KATNA1: variants seen among roughly 807,000 people sequenced by gnomAD.
The protein encoded by KATNA1 is katanin catalytic subunit A1, also known as katanin p60 ATPase-containing subunit A1.
In KATNA1, 42 loss-of-function variants were observed where a neutral mutation model predicts 62.6. The observed-to-expected ratio is 0.67, with a 90% CI of 0.52 to 0.87. KATNA1 has a LOEUF of 0.87. Ranked by LOEUF, KATNA1 falls within the 40% of genes least tolerant of loss-of-function variation. KATNA1 has a pLI of 0.00. For synonymous variants in KATNA1, 186 were observed against 201.9 expected (o/e 0.92, Z 0.67); for missense variants, 498 against 612.5 (o/e 0.81, Z 1.97).
At chr6:149,596,245 G>A (rs1778305307) in intron 10 of KATNA1, among the ~76,000 whole-genome samples, 1 of 152,164 alleles carries the variant, frequency 6.6e-6, no homozygotes, top group Non-Finnish European at 1.5e-5. Context: ...ACTACAAAAT[G>A]TATGTGGGGC....
chr6:149,597,328 T>C, intron 9 of KATNA1, 139 bp from the exon 10 acceptor site: 1 of 1,197,330 alleles, frequency 8.4e-7, no homozygotes, highest in South Asian at 1.6e-5. Flanking sequence ...TAAAGAGCCA[T>C]TCTTTACTTT....
In KATNA1 at chr6:149,627,719, A is replaced by G. The variant is rs73779511; in HGVS notation, c.321-4436T>C. Among the ~76,000 whole-genome samples the G allele has an allele frequency of 3.7e-3, 554 of 151,314 alleles. 12 individuals carry two copies. The highest frequency in any genetic ancestry group is 0.013 in the African/African-American group (528 of 41,040). Reference sequence around the variant, plus strand: ...AAGGGAAAGGGGCTACAGGATCATCAGGGGTGGTTTTTAGGTGGCAAAGTC... The same window carrying G: ...AAGGGAAAGGGGCTACAGGATCATCGGGGGTGGTTTTTAGGTGGCAAAGTC... On this transcript the variant is annotated intron_variant, in intron 3 of 10. Transcript: ENST00000367411.
At chr6:149,633,298 A>G (rs775425993) in intron 2 of KATNA1, among the ~76,000 whole-genome samples, 101 of 151,920 alleles carry the variant, frequency 6.6e-4, no homozygotes, top group South Asian at 1.2e-3. Context: ...TAGTAGAGAC[A>G]GGGTTTCACC....
chr6:149,597,000 C>G (rs1778343803), intron 10 of KATNA1, 63 bp downstream of exon 10: 1 of 1,573,128 alleles, frequency 6.4e-7, no homozygotes, highest in Admixed American at 1.8e-5. Context: ...AAAAACAAAA[C>G]CAAAAAACTT....
rs75327472 is a variant in KATNA1, at chr6:149,600,882, C to T, written c.888+712G>A. Among the ~76,000 whole-genome samples the T allele has an allele frequency of 5.9e-5, 9 of 151,938 alleles. No homozygotes were observed. In the East Asian group the frequency reaches 1.7e-3, roughly 29 times the overall value. On this transcript the variant is annotated intron_variant, in intron 7 of 10. Coordinates refer to ENST00000367411, the MANE Select transcript of KATNA1 (RefSeq NM_007044.4). ...ACTTGGGCCTGGGAGGTCACGGATG[C>T]AGCGAGTTGTGATCATGCTCCTGCA...
chr6:149,642,598 A>G (rs1780336505), intron 1 of KATNA1, among the ~76,000 whole-genome samples: 1 of 152,232 alleles, frequency 6.6e-6, no homozygotes, highest in African/African-American at 2.4e-5. Context: ...AGCAGACAGA[A>G]GCAATGAATA....
intron 3 of KATNA1, chr6:149,631,553 AACAAAAAAAAC>A (rs1277144501): frequency 1.2e-4 from 12 of 103,262 alleles, no homozygotes; most frequent in African/African-American, 7.4e-4. Context: ...GTCTTAAAAA[AACAAAAAAAAC>A]AAAAAAAAAA....
chr6:149,621,477 T>C (rs1436976266), intron 4 of KATNA1, among the ~76,000 whole-genome samples: 1 of 151,164 alleles, frequency 6.6e-6, no homozygotes, highest in Non-Finnish European at 1.5e-5. Context: ...ACCAATGGTA[T>C]GCCTGCCAAA....
At chr6:149,640,098 AACT>A (rs1335860296) in intron 1 of KATNA1, among the ~76,000 whole-genome samples, 4 of 152,192 alleles carry the variant, frequency 2.6e-5, no homozygotes, top group Admixed American at 6.5e-5. Context: ...CTGCCATAGC[AACT>A]ACTTTCAGGA....
At chr6:149,642,244 T>TTTATTCCCTGCTAGGGG (rs1780319931) in intron 1 of KATNA1, among the ~76,000 whole-genome samples, 1 of 152,166 alleles carries the variant, frequency 6.6e-6, no homozygotes, top group Non-Finnish European at 1.5e-5. Flanking sequence ...GCAATGATAC[T>TTTATTCCCTGCTAGGGG]AAGTATTGGC....
chr6:149,599,502 A>T (rs960603746), intron 7 of KATNA1, among the ~76,000 whole-genome samples: 9 of 152,126 alleles, frequency 5.9e-5, no homozygotes, highest in African/African-American at 2.2e-4. Flanking sequence ...CTCCCTGCAC[A>T]GCACACTTCT....
chr6:149,626,518 G>A (rs926924963), intron 3 of KATNA1, among the ~76,000 whole-genome samples: 3 of 148,078 alleles, frequency 2.0e-5, no homozygotes, highest in African/African-American at 2.5e-5. Flanking sequence ...TCCTGACCTC[G>A]TGATCCGCCC....
chr6:149,629,353 T>C (rs1050488236), intron 3 of KATNA1, among the ~76,000 whole-genome samples: 3 of 152,138 alleles, frequency 2.0e-5, no homozygotes, highest in Non-Finnish European at 2.9e-5. Flanking sequence ...ACTCTCTCTG[T>C]CATGTGAGCA....
At chr6:149,615,207 A>ATT (rs1240088720) in intron 4 of KATNA1, among the ~76,000 whole-genome samples, 1 of 131,968 alleles carries the variant, frequency 7.6e-6, no homozygotes, top group Admixed American at 7.7e-5. Flanking sequence ...TTTTGTTTTG[A>ATT]TTTTTTTTTT....
At chr6:149,595,988 T>A (rs1043278243) in intron 10 of KATNA1, among the ~76,000 whole-genome samples, 13 of 152,258 alleles carry the variant, frequency 8.5e-5, no homozygotes, top group African/African-American at 2.4e-4. Flanking sequence ...TGAGACTGTA[T>A]TCTGTGCATA....
chr6:149,614,933 G>C (rs1011041022), intron 4 of KATNA1, among the ~76,000 whole-genome samples: 5 of 151,932 alleles, frequency 3.3e-5, no homozygotes, highest in African/African-American at 9.7e-5. Context: ...TCAAGAGTTC[G>C]AGACCAGCCT....
At position 149,630,500 on chromosome 6, in the gene KATNA1, G is replaced by A. The variant is rs185851442; in HGVS notation, c.320+2259C>T. Among the ~76,000 whole-genome samples the A allele has an allele frequency of 2.0e-5, 3 of 152,250 alleles. No homozygotes were observed. The East Asian group carries it at 5.8e-4, about 29-fold the overall frequency. On this transcript the variant is annotated intron_variant, in intron 3 of 10. Coordinates refer to ENST00000367411, the MANE Select transcript of KATNA1 (RefSeq NM_007044.4). ...AAAAATTAGCCGGGCGTGGTGGCAC[G>A]TGCCTGTAATTCCAGCTACTTGGGA... is the stretch of plus-strand genomic sequence containing the variant.
intron 1 of KATNA1, among the ~76,000 whole-genome samples, chr6:149,641,231 C>T (rs890354497): frequency 4.2e-5 from 6 of 141,638 alleles, no homozygotes; most frequent in African/African-American, 1.6e-4. Flanking sequence ...GGCTGGAGTG[C>T]GGTGGCATGT....
chr6:149,599,351 C>T (rs1778445777), intron 7 of KATNA1, among the ~76,000 whole-genome samples: 1 of 152,144 alleles, frequency 6.6e-6, no homozygotes, highest in South Asian at 2.1e-4. Context: ...AAACTTCAGT[C>T]TGTTGCCACA....
Sources: allele counts gnomAD v4.1 joint callset (sites outside exome capture counted in the v4.1 genomes callset), GRCh38; gene constraint gnomAD v4.1.1; transcripts MANE v1.5; gene names NCBI Gene and HGNC (gene_info 2026-07-23, HGNC 2026-07-21).